The following C3orf20 variants were observed in gnomAD, a reference collection of about 807,000 sequenced individuals.
The protein encoded by C3orf20 is uncharacterized protein C3orf20.
Under a neutral mutation model 88.3 loss-of-function variants are expected in C3orf20, and 76 were observed. The observed-to-expected ratio is 0.86, with a 90% CI of 0.72 to 1.04. C3orf20 has a LOEUF of 1.04. Among genes scored for constraint, C3orf20 ranks in the 50% least tolerant of loss-of-function variants. C3orf20 has a pLI of 0.00. For missense variants in C3orf20, 1,056 were observed against 1,123.3 expected (o/e 0.94, Z 0.86); for synonymous variants, 436 against 437.4 (o/e 1.00, Z 0.04).
intron 6 of C3orf20, among the ~76,000 whole-genome samples, chr3:14,703,712 TC>T (rs529141533): frequency 4.8e-4 from 73 of 152,338 alleles, no homozygotes; most frequent in African/African-American, 1.7e-3. Flanking sequence ...ACTGTTTGTT[TC>T]TTAACTTAAT....
Position 14,683,129 on chromosome 3 carries a change from A to G in C3orf20, c.416A>G (p.Gln139Arg), listed in dbSNP as rs1372009827. ...THQETLNRFQ[Q>R]QSIHLLTELL... Reference sequence around the variant, plus strand: ...CAGGAGACCCTGAACAGGTTTCAGCAGCAGTCCATCCACCTGCTGACGGAG... The same window carrying G: ...CAGGAGACCCTGAACAGGTTTCAGCGGCAGTCCATCCACCTGCTGACGGAG... The change falls in exon 3 of 17, where the codon CAG (glutamine) becomes CGG (arginine). Residue 139 changes from glutamine to arginine, a missense_variant. Coordinates refer to ENST00000253697, the MANE Select transcript of C3orf20 (RefSeq NM_032137.5). The G allele has an allele frequency of 1.2e-6, 2 of 1,614,048 alleles. No individual in the cohort carries two copies. The highest frequency in any genetic ancestry group is 3.3e-4 in the Middle Eastern group (2 of 6,060).
intron 12 of C3orf20, among the ~76,000 whole-genome samples, chr3:14,756,041 AAAAAAAGAAAAAG>A (rs1559442944): frequency 6.6e-6 from 1 of 150,612 alleles, no homozygotes; most frequent in Non-Finnish European, 1.5e-5. Flanking sequence ...AAAAAAAAAA[AAAAAAAGAAAAAG>A]AAAAAAGAAA....
intron 4 of C3orf20, among the ~76,000 whole-genome samples, chr3:14,688,665 G>C (rs2032568374): frequency 6.6e-6 from 1 of 151,984 alleles, no homozygotes; most frequent in South Asian, 2.1e-4. Flanking sequence ...AAACCAGACT[G>C]CTCCTTTATT....
At chr3:14,749,583 T>C (rs2035160503) in intron 12 of C3orf20, among the ~76,000 whole-genome samples, 1 of 152,214 alleles carries the variant, frequency 6.6e-6, no homozygotes, top group South Asian at 2.1e-4. Context: ...CTTTAATCCA[T>C]TTATGTTTAA....
chr3:14,687,937 C>A (rs1165496758), intron 4 of C3orf20, among the ~76,000 whole-genome samples: 1 of 152,188 alleles, frequency 6.6e-6, no homozygotes, highest in Non-Finnish European at 1.5e-5. Flanking sequence ...CTCCATCACA[C>A]TCCCTAGCAA....
At chr3:14,715,966 TAATA>T (rs2033926023) in intron 9 of C3orf20, among the ~76,000 whole-genome samples, 1 of 144,950 alleles carries the variant, frequency 6.9e-6, no homozygotes, top group Admixed American at 7.1e-5. Context: ...GAATTATTAA[TAATA>T]AATTAATAAA....
At chr3:14,678,553 A>T (rs2031913637) in intron 1 of C3orf20, among the ~76,000 whole-genome samples, 1 of 152,218 alleles carries the variant, frequency 6.6e-6, no homozygotes, top group Non-Finnish European at 1.5e-5. Flanking sequence ...GAAACAGTGG[A>T]GACATGCAGC....
intron 12 of C3orf20, among the ~76,000 whole-genome samples, chr3:14,737,524 A>G (rs963707364): frequency 2.0e-5 from 3 of 152,252 alleles, no homozygotes; most frequent in Non-Finnish European, 4.4e-5. Context: ...TACATACCAT[A>G]ATTTTAAAAT....
At chr3:14,713,737 A>C (rs1023762792) in intron 7 of C3orf20, among the ~76,000 whole-genome samples, 1 of 152,186 alleles carries the variant, frequency 6.6e-6, no homozygotes, top group Non-Finnish European at 1.5e-5. Flanking sequence ...CATTAGACCC[A>C]GGGGGACCCT....
chr3:14,744,870 G>A (rs2035016683), intron 12 of C3orf20, among the ~76,000 whole-genome samples: 1 of 152,278 alleles, frequency 6.6e-6, no homozygotes, highest in African/African-American at 2.4e-5. Context: ...GGGAATTCTG[G>A]GAGATAAATG....
intron 10 of C3orf20, among the ~76,000 whole-genome samples, 195 bp from the exon 11 acceptor site, chr3:14,726,706 G>A (rs1440522592): frequency 6.6e-6 from 1 of 152,192 alleles, no homozygotes; most frequent in African/African-American, 2.4e-5. Context: ...CCTCCGAGGA[G>A]AGGCCATGAG....
chr3:14,731,132 T>C (rs1166714061), intron 12 of C3orf20, among the ~76,000 whole-genome samples: 1 of 152,190 alleles, frequency 6.6e-6, no homozygotes, highest in East Asian at 1.9e-4. Flanking sequence ...TGCTATTCCT[T>C]TGTAGCCAAA....
chr3:14,720,568 T>A (rs1274041475), intron 9 of C3orf20, among the ~76,000 whole-genome samples: 1 of 151,556 alleles, frequency 6.6e-6, no homozygotes, highest in Admixed American at 6.6e-5. Context: ...GTTGTTGTTG[T>A]TGTTGTTGTT....
At chr3:14,739,265 G>T (rs1343240066) in intron 12 of C3orf20, among the ~76,000 whole-genome samples, 1 of 152,148 alleles carries the variant, frequency 6.6e-6, no homozygotes, top group Non-Finnish European at 1.5e-5. Context: ...CTGCAATATG[G>T]TTGCTATATT....
At chr3:14,732,962 T>C (rs1374459248) in intron 12 of C3orf20, among the ~76,000 whole-genome samples, 1 of 152,218 alleles carries the variant, frequency 6.6e-6, no homozygotes, top group Admixed American at 6.5e-5. Context: ...AAAAGATAAA[T>C]TTCTCCATTA....
intron 12 of C3orf20, among the ~76,000 whole-genome samples, chr3:14,738,807 ATTT>A (rs1221697056): frequency 3.0e-5 from 3 of 98,932 alleles, no homozygotes; most frequent in Non-Finnish European, 6.0e-5. Context: ...TGCCTGGCTA[ATTT>A]TTTTGTTTTT....
rs556764362 is a variant in C3orf20, at chr3:14,714,005, A to G, written c.1161-2A>G. On this transcript the variant is annotated splice_acceptor_variant, in intron 7 of 16. Transcript: ENST00000253697. LOFTEE classifies it high-confidence loss of function. ...TTAGTTCTACCTGAACATTTCTGCC[A>G]GCTATCCCTCTGGAAACGTCGCTGT... 6.2e-7 allele frequency: 1 copy of G among 1,614,052 alleles called. No individual in the cohort carries two copies. The highest frequency in any genetic ancestry group is 1.3e-5 in the African/African-American group (1 of 75,048).
At chr3:14,699,721 G>C (rs1360446127) in intron 5 of C3orf20, among the ~76,000 whole-genome samples, 3 of 152,226 alleles carry the variant, frequency 2.0e-5, no homozygotes, top group Non-Finnish European at 4.4e-5. Context: ...CTTGAGATTG[G>C]GGTGGGGGGT....
At chr3:14,758,542 T>G (rs1268534529) in intron 13 of C3orf20, among the ~76,000 whole-genome samples, 1 of 152,180 alleles carries the variant, frequency 6.6e-6, no homozygotes, top group African/African-American at 2.4e-5. Context: ...GGATGGCACA[T>G]GAGCACATGA....
Sources: gnomAD v4.1 joint callset for allele counts (sites outside exome capture counted in the v4.1 genomes callset) on GRCh38, gnomAD v4.1.1 for gene constraint, MANE v1.5 for transcripts, NCBI Gene and HGNC (gene_info 2026-07-23, HGNC 2026-07-21) for gene names.